The following GAREM1 variants were observed in gnomAD, a reference collection of about 807,000 sequenced individuals.
GAREM1 encodes the protein GRB2 associated regulator of MAPK1 subtype 1.
GAREM1 carries 26 observed loss-of-function variants against 71.3 expected under a neutral mutation model. That is an observed-to-expected ratio of 0.36 (90% CI 0.27 to 0.51). The LOEUF (loss-of-function observed/expected upper bound fraction) is 0.51. Ranked by LOEUF, GAREM1 falls within the 20% of genes least tolerant of loss-of-function variation. The probability of loss-of-function intolerance (pLI) is 0.95; values close to 1 mark genes in which losing one functional copy is unlikely to be tolerated. For missense variants in GAREM1, 1,026 were observed against 1,103.1 expected (o/e 0.93, Z 0.99); for synonymous variants, 440 against 433.2 (o/e 1.02, Z -0.20).
At chr18:32,427,571 A>G (rs2048587391) in intron 1 of GAREM1, among the ~76,000 whole-genome samples, 1 of 152,204 alleles carries the variant, frequency 6.6e-6, no homozygotes, top group Non-Finnish European at 1.5e-5. Flanking sequence ...AGCTGATGGC[A>G]GCAACATGCT....
At chr18:32,449,910 G>A (rs2048818812) in intron 1 of GAREM1, among the ~76,000 whole-genome samples, 1 of 152,046 alleles carries the variant, frequency 6.6e-6, no homozygotes, top group African/African-American at 2.4e-5. Flanking sequence ...AAGCTTAAAA[G>A]GTGAATAATT....
At chr18:32,338,035 G>C (rs2047615242) in intron 2 of GAREM1, among the ~76,000 whole-genome samples, 2 of 152,194 alleles carry the variant, frequency 1.3e-5, no homozygotes. Context: ...GGGGCAGCGA[G>C]GAGGTGACCT....
chr18:32,452,850 T>A (rs942023809), intron 1 of GAREM1, among the ~76,000 whole-genome samples: 1 of 122,264 alleles, frequency 8.2e-6, no homozygotes, highest in Admixed American at 8.3e-5. Flanking sequence ...TTATAACTTC[T>A]ACGTTTTTTT....
Position 32,268,382 on chromosome 18 carries a change from T to A in GAREM1, c.2120A>T (p.Asp707Val). ...KSASYSLESTDVKSLAAGVTK... is the reference protein window; with the variant it reads ...KSASYSLESTVVKSLAAGVTK... The stretch of plus-strand genomic sequence containing the variant: ...CACACCAGCTGCAAGAGATTTCACA[T>A]CTGTGCTCTCCAGAGAGTAGCTGGC... The change falls in exon 6 of 6, where the codon GAT (aspartate) becomes GTT (valine). Residue 707 changes from aspartate to valine, a missense_variant. Asp to Val is a radical substitution (Grantham distance 152, BLOSUM62 -3). Transcript: ENST00000269209. 1 of 1,614,136 alleles carries A rather than the reference T, an allele frequency of 6.2e-7. No homozygotes were observed. Among genetic ancestry groups the A allele is most frequent in the Non-Finnish European group, 8.5e-7 (1 of 1,180,006 alleles).
intron 1 of GAREM1, among the ~76,000 whole-genome samples, chr18:32,402,015 G>T (rs745506932): frequency 1.3e-5 from 2 of 152,014 alleles, no homozygotes; most frequent in Non-Finnish European, 2.9e-5. Context: ...GGCAAAAAAA[G>T]TTCCAGAAAA....
intron 3 of GAREM1, among the ~76,000 whole-genome samples, chr18:32,290,827 G>T (rs1163526570): frequency 1.3e-5 from 2 of 152,046 alleles, no homozygotes; most frequent in Non-Finnish European, 2.9e-5. Flanking sequence ...TCAGAAGCTT[G>T]ACATCACACT....
chr18:32,371,959 A>G (rs940680602), intron 2 of GAREM1, among the ~76,000 whole-genome samples: 1 of 152,208 alleles, frequency 6.6e-6, no homozygotes, highest in African/African-American at 2.4e-5. Context: ...TGAGAAAGAG[A>G]GTCAGACCAC....
intron 1 of GAREM1, chr18:32,413,361 C>T (rs552323233): frequency 6.0e-6 from 4 of 665,536 alleles, no homozygotes; most frequent in South Asian, 5.9e-5. Flanking sequence ...AACAAAGACT[C>T]ATACAAATGT....
In GAREM1 at chr18:32,287,090, C is replaced by T. The variant is rs1256630898; in HGVS notation, c.1507G>A (p.Ala503Thr). Reference protein sequence around the residue: ...PLPIPGTLGAAVKSSDTALPP... With the variant: ...PLPIPGTLGATVKSSDTALPP... ...AGGGCAGTATCTGAAGACTTCACTG[C>T]TGCTCCCAGAGTCCCAGGGATGGGA... Residue 503 changes from alanine to threonine, a missense_variant, in exon 4 of 6, where the codon GCA (alanine) becomes ACA (threonine). Transcript: ENST00000269209. This position sits in a 1 kb window ranked among gnomAD's most constrained non-coding sequence, Gnocchi z 5.9. 4.3e-6 allele frequency: 7 copies of T among 1,614,194 alleles called. No homozygotes were observed. The highest frequency in any genetic ancestry group is 5.1e-6 in the Non-Finnish European group (6 of 1,180,020).
intron 2 of GAREM1, among the ~76,000 whole-genome samples, chr18:32,313,481 C>G (rs1418322465): frequency 3.9e-5 from 6 of 152,136 alleles, no homozygotes; most frequent in Non-Finnish European, 8.8e-5. Flanking sequence ...TGGCAAACAG[C>G]TAAATGACTG....
intron 2 of GAREM1, among the ~76,000 whole-genome samples, chr18:32,358,506 T>C (rs2047828497): frequency 6.6e-6 from 1 of 152,186 alleles, no homozygotes; most frequent in African/African-American, 2.4e-5. Flanking sequence ...AGCTCTCCAC[T>C]TCTCTGTTGT....
chr18:32,373,791 C>A (rs190250760), intron 2 of GAREM1, among the ~76,000 whole-genome samples: 66 of 152,292 alleles, frequency 4.3e-4, no homozygotes, highest in Non-Finnish European at 8.7e-4. Flanking sequence ...ACCAGATCTA[C>A]TGCCAATGGT....
chr18:32,374,115 A>G (rs901932675), intron 2 of GAREM1, among the ~76,000 whole-genome samples: 1 of 152,228 alleles, frequency 6.6e-6, no homozygotes, highest in Non-Finnish European at 1.5e-5. Context: ...TTCACACAAC[A>G]TATCTCCTAT....
chr18:32,266,099 T>C lies in GAREM1; in HGVS notation c.*1772A>G, dbSNP rs1285864061. On this transcript the variant is annotated 3_prime_UTR_variant, in exon 6 of 6. Coordinates refer to ENST00000269209, the MANE Select transcript of GAREM1 (RefSeq NM_001242409.2). Reference sequence around the variant, plus strand: ...CTTTTTGCCTATAGTATTTACATTTTGGGAGACACGTTAGGAGAAAAAAAA... The same window carrying C: ...CTTTTTGCCTATAGTATTTACATTTCGGGAGACACGTTAGGAGAAAAAAAA... 1 of 151,948 alleles carries C rather than the reference T, an allele frequency of 6.6e-6. No individual in the cohort carries two copies. Among genetic ancestry groups the C allele is most frequent in the Non-Finnish European group, 1.5e-5 (1 of 68,012 alleles). The allele number at this position is 151,948 out of a possible 1,614,324, so 9.4% of individuals were successfully genotyped here. A position where few individuals can be genotyped will look rare whatever the true frequency, so the allele number is the denominator to read the frequency against.
intron 1 of GAREM1, among the ~76,000 whole-genome samples, chr18:32,434,760 A>G (rs1021760331): frequency 6.6e-6 from 1 of 152,184 alleles, no homozygotes; most frequent in African/African-American, 2.4e-5. Context: ...ACACCACTAT[A>G]ATACCGCTAC....
At chr18:32,461,314 C>T (rs1444528231) in intron 1 of GAREM1, among the ~76,000 whole-genome samples, 2 of 152,108 alleles carry the variant, frequency 1.3e-5, no homozygotes, top group Non-Finnish European at 2.9e-5. Context: ...ATACCTCTAA[C>T]CTGAAATTCA....
At chr18:32,341,354 A>G (rs796152020) in intron 2 of GAREM1, among the ~76,000 whole-genome samples, 8 of 152,308 alleles carry the variant, frequency 5.3e-5, no homozygotes, top group African/African-American at 1.9e-4. Context: ...TATATGTGCC[A>G]CATTTTCTTA....
At chr18:32,274,632 T>C (rs1176243207) in intron 4 of GAREM1, among the ~76,000 whole-genome samples, 12 of 152,150 alleles carry the variant, frequency 7.9e-5, no homozygotes, top group Admixed American at 7.2e-4. Flanking sequence ...TCCTAGTCTA[T>C]ATGGGCACGC....
chr18:32,459,418 C>T (rs992636348), intron 1 of GAREM1, among the ~76,000 whole-genome samples: 3 of 151,944 alleles, frequency 2.0e-5, no homozygotes, highest in African/African-American at 7.2e-5. Context: ...CCCTTTGATC[C>T]TATGTCTCTT....
Sources: gnomAD v4.1 joint callset for allele counts (sites outside exome capture counted in the v4.1 genomes callset) on GRCh38, gnomAD v4.1.1 for gene constraint, Gnocchi (gnomAD v3.1) non-coding constraint, MANE v1.5 for transcripts, NCBI Gene and HGNC (gene_info 2026-07-23, HGNC 2026-07-21) for gene names.